The following FMNL2 variants were observed in gnomAD, a reference collection of about 807,000 sequenced individuals.
FMNL2 encodes formin-like protein 2.
A neutral mutation model predicts 130.2 loss-of-function variants in FMNL2; 51 were observed. That is an observed-to-expected ratio of 0.39 (90% CI 0.31 to 0.49). The LOEUF is 0.49. Among genes scored for constraint, FMNL2 ranks in the 20% least tolerant of loss-of-function variants. FMNL2 has a pLI of 0.85. For synonymous variants in FMNL2, 465 were observed against 467.1 expected (o/e 1.00, Z 0.06); for missense variants, 977 against 1,316.2 (o/e 0.74, Z 3.99).
At chr2:152,597,550 C>A (rs1208494471) in intron 9 of FMNL2, among the ~76,000 whole-genome samples, 1 of 152,172 alleles carries the variant, frequency 6.6e-6, no homozygotes, top group Non-Finnish European at 1.5e-5. Flanking sequence ...ACTGAGAATG[C>A]GTGGCTGTGG....
At chr2:152,512,066 ATGT>A (rs1692521648) in intron 1 of FMNL2, among the ~76,000 whole-genome samples, 1 of 152,162 alleles carries the variant, frequency 6.6e-6, no homozygotes, top group Non-Finnish European at 1.5e-5. Context: ...ATTTGGCCTC[ATGT>A]TGTCTAATCA....
intron 2 of FMNL2, among the ~76,000 whole-genome samples, chr2:152,525,598 C>T (rs1407610492): frequency 6.6e-6 from 1 of 152,172 alleles, no homozygotes; most frequent in African/African-American, 2.4e-5. Context: ...GGAAAATCTC[C>T]CCTTTCTTTA....
intron 1 of FMNL2, chr2:152,390,139 C>T: frequency 8.0e-7 from 1 of 1,255,694 alleles, no homozygotes; most frequent in South Asian, 1.2e-5. Flanking sequence ...GGCAACGGGG[C>T]AGACCTGCCC....
Position 152,568,223 on chromosome 2 carries a change from T to TTTTTTTTTTTTGTTTTGTTTTTG in FMNL2, c.597-6903_597-6902insTGTTTTGTTTTTGTTTTTTTTTT, listed in dbSNP as rs1553478445. 3.2e-4 allele frequency among the ~76,000 whole-genome samples: 43 copies of TTTTTTTTTTTTGTTTTGTTTTTG among 132,310 alleles called. No homozygotes were observed. The East Asian group carries it at 5.4e-3, about 17-fold the overall frequency. 86.8% of individuals were successfully genotyped at this position (132,310 alleles called of 152,430 possible). A position where few individuals can be genotyped will look rare whatever the true frequency, so the allele number is the denominator to read the frequency against. ...AACGGCTTCCATTTTGGTGGGTTTT[T>TTTTTTTTTTTTGTTTTGTTTTTG]TTTTTTTTTTGAGACGGAGTCTCAC... On this transcript the variant is annotated intron_variant, in intron 6 of 25. Coordinates refer to ENST00000288670, the MANE Select transcript of FMNL2 (RefSeq NM_052905.4).
chr2:152,489,643 C>T (rs1691030093), intron 1 of FMNL2, among the ~76,000 whole-genome samples: 1 of 152,208 alleles, frequency 6.6e-6, no homozygotes, highest in South Asian at 2.1e-4. Flanking sequence ...TTGGAGGAGG[C>T]TGTGGACTAC....
At chr2:152,508,687 C>T (rs537493381) in intron 1 of FMNL2, among the ~76,000 whole-genome samples, 70 of 152,240 alleles carry the variant, frequency 4.6e-4, no homozygotes, top group South Asian at 8.3e-4. Context: ...CATAACACTG[C>T]TTTGTAGGAA....
At chr2:152,398,993 C>G (rs955778058) in intron 1 of FMNL2, among the ~76,000 whole-genome samples, 1 of 152,084 alleles carries the variant, frequency 6.6e-6, no homozygotes, top group African/African-American at 2.4e-5. Context: ...AACATGGGAG[C>G]CAAAGAGAGA....
chr2:152,635,247 A>G (rs747725247), intron 21 of FMNL2, among the ~76,000 whole-genome samples: 3 of 152,154 alleles, frequency 2.0e-5, no homozygotes, highest in Admixed American at 2.0e-4. Context: ...ATCAGCTTCG[A>G]TGATTGCTCT....
chr2:152,634,993 G>C (rs1408880166), intron 21 of FMNL2, among the ~76,000 whole-genome samples: 1 of 152,048 alleles, frequency 6.6e-6, no homozygotes, highest in Non-Finnish European at 1.5e-5. Flanking sequence ...CAACCACTGA[G>C]CTGGTCATTG....
At chr2:152,417,163 C>T (rs143556590) in intron 1 of FMNL2, among the ~76,000 whole-genome samples, 5 of 152,262 alleles carry the variant, frequency 3.3e-5, no homozygotes, top group Non-Finnish European at 5.9e-5. Flanking sequence ...GTAGCATAGA[C>T]GTTCAAATCT....
chr2:152,348,526 C>T (rs184346064), intron 1 of FMNL2, among the ~76,000 whole-genome samples: 6 of 152,290 alleles, frequency 3.9e-5, no homozygotes, highest in African/African-American at 1.2e-4. Context: ...ATTAATTGCA[C>T]ATAACTTGCC....
intron 1 of FMNL2, among the ~76,000 whole-genome samples, chr2:152,428,867 G>T (rs948691344): frequency 6.6e-6 from 1 of 152,148 alleles, no homozygotes; most frequent in Non-Finnish European, 1.5e-5. Flanking sequence ...TCTAATGTCT[G>T]ATGCCATTTT....
At chr2:152,433,745 G>A (rs1687610053) in intron 1 of FMNL2, among the ~76,000 whole-genome samples, 1 of 152,166 alleles carries the variant, frequency 6.6e-6, no homozygotes, top group South Asian at 2.1e-4. Flanking sequence ...TGTGATCAGA[G>A]GCTGAGGGAT....
chr2:152,603,399 GTT>G (rs138427461), intron 9 of FMNL2, among the ~76,000 whole-genome samples: 2,154 of 135,154 alleles, frequency 0.016, 60 homozygotes, highest in African/African-American at 0.054. Context: ...ATTTAAGTCT[GTT>G]TTTTTTTTTT....
chr2:152,646,419 A>G (rs1156349345), intron 25 of FMNL2, among the ~76,000 whole-genome samples: 1 of 152,076 alleles, frequency 6.6e-6, no homozygotes, highest in Non-Finnish European at 1.5e-5. Flanking sequence ...CAGGCCTGGT[A>G]GGAACTGTGC....
At chr2:152,495,000 T>C (rs1421706443) in intron 1 of FMNL2, among the ~76,000 whole-genome samples, 1 of 152,232 alleles carries the variant, frequency 6.6e-6, no homozygotes, top group Non-Finnish European at 1.5e-5. Flanking sequence ...TCTTTTGTTA[T>C]AGCTCAGTTT....
Position 152,631,949 on chromosome 2 carries a change from GGTAA to G in FMNL2, c.2551-56_2551-53del, listed in dbSNP as rs992394013. On this transcript the variant is annotated intron_variant, in intron 20 of 25. Coordinates refer to ENST00000288670, the MANE Select transcript of FMNL2 (RefSeq NM_052905.4). ...CTGGGTGGGAAATCGTCACCTGAGGGGTAAGTGTCTTGTTACCCTTTACTCTTGT... is the reference window on the plus strand; with the variant it reads ...CTGGGTGGGAAATCGTCACCTGAGGGGTGTCTTGTTACCCTTTACTCTTGT... The G allele has an allele frequency of 5.5e-5, 85 of 1,546,786 alleles. 1 individual carries two copies. The Middle Eastern group carries it at 4.0e-3, about 72-fold the overall frequency.
intron 1 of FMNL2, 64 bp from the exon 2 acceptor site, chr2:152,521,879 G>A (rs1276054740): frequency 7.6e-7 from 1 of 1,316,138 alleles, no homozygotes; most frequent in Non-Finnish European, 1.1e-6. Context: ...CTGCCTGCAA[G>A]TTACCAATTT....
chr2:152,625,453 A>G lies in FMNL2; in HGVS notation c.1853A>G (p.Lys618Arg). The change falls in exon 16 of 26, where the codon AAG becomes AGG. Residue 618 changes from lysine to arginine, a missense_variant. By Grantham distance (26) the Lys-to-Arg change is conservative (BLOSUM62 2). Transcript: ENST00000288670. ...NSGLAAVKIK[K>R]PIKTKFRMPV... ...ATGTCTTTAGCTGTGAAAATTAAGA[A>G]GCCAATCAAGACGAAGTTCAGAATG... 2 of 1,608,444 alleles carry G rather than the reference A, an allele frequency of 1.2e-6. No individual in the cohort carries two copies. Among genetic ancestry groups the G allele is most frequent in the Non-Finnish European group, 1.7e-6 (2 of 1,175,308 alleles).
Sources: gnomAD v4.1 joint callset for allele counts (sites outside exome capture counted in the v4.1 genomes callset) on GRCh38, gnomAD v4.1.1 for gene constraint, MANE v1.5 for transcripts, NCBI Gene and HGNC (gene_info 2026-07-23, HGNC 2026-07-21) for gene names.